The following NUP210 variants were observed in gnomAD, a reference collection of about 807,000 sequenced individuals.
NUP210 encodes the protein nuclear pore membrane glycoprotein 210.
NUP210 carries 151 observed loss-of-function variants against 196.0 expected under a neutral mutation model. The observed-to-expected ratio is 0.77, with a 90% CI of 0.67 to 0.88. The LOEUF (loss-of-function observed/expected upper bound fraction) is 0.88. Among genes scored for constraint, NUP210 ranks in the 40% least tolerant of loss-of-function variants. NUP210 has a pLI of 0.00. For synonymous variants in NUP210, 1,070 were observed against 1,052.7 expected, an observed-to-expected ratio of 1.02 and a Z score of -0.32; for missense variants, 2,314 against 2,493.7, an observed-to-expected ratio of 0.93 and a Z score of 1.53.
At chr3:13,387,259 C>T (rs1365893332) in intron 5 of NUP210, among the ~76,000 whole-genome samples, 1 of 152,226 alleles carries the variant, frequency 6.6e-6, no homozygotes, top group Non-Finnish European at 1.5e-5. Context: ...TTAATATCTT[C>T]AGTGTGTCCA....
At chr3:13,332,205 C>G in intron 29 of NUP210, 88 bp downstream of exon 29, 1 of 1,060,136 alleles carries the variant, frequency 9.4e-7, no homozygotes, top group Non-Finnish European at 1.5e-6. Context: ...CTGAAAGTAC[C>G]CATGGCTCCT....
intron 5 of NUP210, among the ~76,000 whole-genome samples, chr3:13,387,316 G>A (rs767897157): frequency 6.6e-6 from 1 of 152,226 alleles, no homozygotes; most frequent in Non-Finnish European, 1.5e-5. Flanking sequence ...GCTCTGTGGC[G>A]GCTGCTTTCC....
chr3:13,376,366 C>A lies in NUP210; in HGVS notation c.1218G>T (p.Gly406=). The change falls in exon 10 of 40, where the codon GGG becomes GGT. Residue 406 remains glycine, a synonymous_variant. Transcript: ENST00000254508. The part of the protein sequence containing the change: ...FFEVLSSSQN[G]SYHRIRALKR... ...TTAGTGCCCTGATGCGATGGTATGA[C>A]CCATTCTGGGAGGACGAGAGCACCT... The A allele has an allele frequency of 6.2e-7, 1 of 1,614,194 alleles. No homozygotes were observed. Among genetic ancestry groups the A allele is most frequent in the Non-Finnish European group, 8.5e-7 (1 of 1,180,008 alleles).
Position 13,378,949 on chromosome 3 carries a change from G to C in NUP210, c.1008C>G (p.Pro336=). ...GTTCGACCACGTAGATAGTGCTGTT[G>C]GGTAACCTAGAAGCACCTTGCATGC... ...SIRMQGASRL[P]NSTIYVVEPG... Residue 336 remains proline (P), a synonymous_variant, in exon 8 of 40, where the codon CCC becomes CCG. Coordinates refer to ENST00000254508, the MANE Select transcript of NUP210 (RefSeq NM_024923.4). 6.2e-7 allele frequency: 1 copy of C among 1,614,130 alleles called. No homozygotes were observed.
Position 13,391,259 on chromosome 3 carries a change from A to T in NUP210, c.485T>A (p.Val162Glu). ...LAGLVFEWTIVKDSEADRFSD... is the reference protein window; with the variant it reads ...LAGLVFEWTIEKDSEADRFSD... ...GAACCTGTCCGCCTCGGAGTCCTTCACAATCGTCCACTCGAAGACCAGTCC... is the reference window on the plus strand; with the variant it reads ...GAACCTGTCCGCCTCGGAGTCCTTCTCAATCGTCCACTCGAAGACCAGTCC... Residue 162 changes from valine to glutamate, a missense_variant, in exon 4 of 40, where the codon GTG becomes GAG. By Grantham distance (121) the Val-to-Glu change is moderately radical. Coordinates refer to ENST00000254508, the MANE Select transcript of NUP210 (RefSeq NM_024923.4). The T allele has an allele frequency of 6.2e-7, 1 of 1,612,556 alleles. No individual in the cohort carries two copies. Among genetic ancestry groups the T allele is most frequent in the South Asian group, 1.1e-5 (1 of 90,644 alleles).
At chr3:13,401,332 C>T (rs1204778799) in intron 1 of NUP210, among the ~76,000 whole-genome samples, 1 of 151,272 alleles carries the variant, frequency 6.6e-6, no homozygotes, top group African/African-American at 2.4e-5. Flanking sequence ...TGGCTGGATG[C>T]CAAGTGTCTT....
At chr3:13,373,914 T>C (rs147357449) in intron 11 of NUP210, 41 bp from the exon 12 acceptor site, 369 of 1,604,638 alleles carry the variant, frequency 2.3e-4, no homozygotes, top group Middle Eastern at 2.2e-3. Context: ...CACCCACCCT[T>C]AGCCTGCTGG....
At chr3:13,391,832 G>T (rs1417626685) in intron 3 of NUP210, among the ~76,000 whole-genome samples, 1 of 151,616 alleles carries the variant, frequency 6.6e-6, no homozygotes, top group African/African-American at 2.4e-5. Context: ...TCGTGGGGTA[G>T]GTAGGGGGCA....
In NUP210 at chr3:13,375,601, T is replaced by C. The variant is rs895364937; in HGVS notation, c.1334A>G (p.Gln445Arg). ...CGGGATGTGAATTTCCACCTCCTGC[T>C]GGTTCCACACAGGCACCTGTAGTAT... ...VHILQVPVWNQQEVEIHIPIT... is the reference protein window; with the variant it reads ...VHILQVPVWNRQEVEIHIPIT... The change falls in exon 11 of 40, where the codon CAG (glutamine) becomes CGG (arginine). Residue 445 changes from glutamine (Q) to arginine (R), a missense_variant. Coordinates refer to ENST00000254508, the MANE Select transcript of NUP210 (RefSeq NM_024923.4). 3 of 1,614,120 alleles carry C rather than the reference T, an allele frequency of 1.9e-6. No homozygotes were observed. The highest frequency in any genetic ancestry group is 2.5e-6 in the Non-Finnish European group (3 of 1,180,008).
intron 9 of NUP210, 146 bp downstream of exon 9, chr3:13,377,310 C>T (rs1379360618): frequency 1.4e-5 from 9 of 630,314 alleles, no homozygotes; most frequent in Non-Finnish European, 2.6e-5. Flanking sequence ...CTGTTTCCCA[C>T]AGACCCGGGA....
intron 17 of NUP210, 84 bp downstream of exon 17, chr3:13,353,831 C>G: frequency 2.2e-6 from 3 of 1,370,832 alleles, no homozygotes; most frequent in Non-Finnish European, 3.0e-6. Flanking sequence ...TAACTAAGCT[C>G]CCACAGGCAC....
In NUP210 at chr3:13,379,125, T is replaced by A. The variant is rs937559015; in HGVS notation, c.977-145A>T. On this transcript the variant is annotated intron_variant, in intron 7 of 39. Coordinates refer to ENST00000254508, the MANE Select transcript of NUP210 (RefSeq NM_024923.4). The surrounding 1 kb of genome is among the most constrained non-coding windows in gnomAD (Gnocchi z 4.2). ...GAAAACTCCCCTGGCTTAGGCCACG[T>A]AGAGCAAAGGCACTTTTCAGAATCA... 2.8e-6 allele frequency: 2 copies of A among 702,058 alleles called. No homozygotes were observed. The highest frequency in any genetic ancestry group is 5.1e-6 in the Non-Finnish European group (2 of 391,286). The allele number at this position is 702,058 out of a possible 1,614,324, so 43.5% of individuals were successfully genotyped here.
At chr3:13,395,561 G>T (rs1355727229) in intron 3 of NUP210, among the ~76,000 whole-genome samples, 1 of 152,162 alleles carries the variant, frequency 6.6e-6, no homozygotes, top group African/African-American at 2.4e-5. Flanking sequence ...CGAGTGATCT[G>T]CCCGCCTCGG....
chr3:13,341,913 C>A, intron 22 of NUP210, 30 bp from the exon 23 acceptor site: 1 of 1,613,710 alleles, frequency 6.2e-7, no homozygotes, highest in South Asian at 1.1e-5. Context: ...TGGGACTTCT[C>A]CAAGACCACC....
intron 20 of NUP210, chr3:13,344,766 G>A (rs949526230): frequency 5.4e-6 from 1 of 186,666 alleles, no homozygotes; most frequent in Admixed American, 6.5e-5. Context: ...CAGCCACGCA[G>A]GCCTTCTCTC....
Position 13,335,632 on chromosome 3 carries a change from G to A in NUP210, c.3685-20C>T, listed in dbSNP as rs193151189. On this transcript the variant is annotated intron_variant, in intron 27 of 39. Transcript: ENST00000254508. ...CGACGCCTGGGAAGACATCAAACACGTTTTCAGGGGTAAGGCCCAGGCCCC... is the reference window on the plus strand; with the variant it reads ...CGACGCCTGGGAAGACATCAAACACATTTTCAGGGGTAAGGCCCAGGCCCC... The A allele has an allele frequency of 4.0e-5, 64 of 1,612,330 alleles. No individual in the cohort carries two copies. The African/African-American group carries it at 4.3e-4, about 11-fold the overall frequency.
chr3:13,344,454 A>G (rs920903738), intron 20 of NUP210, among the ~76,000 whole-genome samples: 1 of 152,216 alleles, frequency 6.6e-6, no homozygotes, highest in Non-Finnish European at 1.5e-5. Context: ...TCTCATATTC[A>G]TGGGGTGGGG....
Position 13,316,561 on chromosome 3 carries a change from G to T in NUP210, c.*1120C>A, listed in dbSNP as rs920771071. On this transcript the variant is annotated 3_prime_UTR_variant, in exon 40 of 40. Transcript: ENST00000254508. ...TCCAGAATCAGGAGCTGGGAAGAGA[G>T]GACTTTTCCAAGGGTCTCCTCCCCC... 2 of 152,290 alleles carry T rather than the reference G, an allele frequency of 1.3e-5. No individual in the cohort carries two copies. The highest frequency in any genetic ancestry group is 4.8e-5 in the African/African-American group (2 of 41,470). The allele number at this position is 152,290 out of a possible 1,614,324, so 9.4% of individuals were successfully genotyped here. A position where few individuals can be genotyped will look rare whatever the true frequency, so the allele number is the denominator to read the frequency against.
chr3:13,418,524 GAGT>G (rs58646479), intron 1 of NUP210, among the ~76,000 whole-genome samples: 33,602 of 152,042 alleles, frequency 0.22, 5,833 homozygotes, highest in African/African-American at 0.49. Context: ...ATCGCTTGAG[GAGT>G]TCTCCTTGGT....
Sources: gnomAD v4.1 joint callset for allele counts (sites outside exome capture counted in the v4.1 genomes callset) on GRCh38, gnomAD v4.1.1 for gene constraint, Gnocchi (gnomAD v3.1) non-coding constraint, MANE v1.5 for transcripts, NCBI Gene and HGNC (gene_info 2026-07-23, HGNC 2026-07-21) for gene names.